DMGDH: variants seen among roughly 807,000 people sequenced by gnomAD.
The protein encoded by DMGDH is dimethylglycine dehydrogenase, mitochondrial.
A neutral mutation model predicts 95.2 loss-of-function variants in DMGDH; 76 were observed. The ratio of observed to expected loss-of-function variants is 0.80; its 90% CI spans 0.66 to 0.97. DMGDH has a LOEUF of 0.97. Among genes scored for constraint, DMGDH ranks in the 50% least tolerant of loss-of-function variants. The pLI is 0.00. For synonymous variants in DMGDH, 345 were observed against 377.6 expected, an observed-to-expected ratio of 0.91 and a Z score of 1.00; for missense variants, 987 against 1,055.0, an observed-to-expected ratio of 0.94 and a Z score of 0.89.
chr5:79,014,821 G>A (rs796409390), intron 14 of DMGDH, among the ~76,000 whole-genome samples: 16 of 152,236 alleles, frequency 1.1e-4, no homozygotes, highest in African/African-American at 3.9e-4. Context: ...GTAAATGTCA[G>A]AGTCACAATT....
chr5:79,008,197 TA>T (rs1753582875), intron 14 of DMGDH, among the ~76,000 whole-genome samples: 1 of 152,094 alleles, frequency 6.6e-6, no homozygotes, highest in African/African-American at 2.4e-5. Context: ...TTGATAGAGG[TA>T]TGGACAGTGG....
At position 79,033,321 on chromosome 5, in the gene DMGDH, C is replaced by T; in HGVS notation, c.1281G>A (p.Leu427=). The stretch of plus-strand genomic sequence containing the variant: ...TCCATTTGCCATAGCGATTAGGATC[C>T]AATTCTATCAGATCAAAAGGAGGTT... ...HGEPPFDLIE[L]DPNRYGKWTT... is the part of the protein sequence containing the mutation. The change falls in exon 8 of 16, where the codon TTG becomes TTA. Residue 427 remains leucine, a synonymous_variant. Transcript: ENST00000255189. The T allele has an allele frequency of 1.9e-6, 3 of 1,614,130 alleles. No individual in the cohort carries two copies. Among genetic ancestry groups the T allele is most frequent in the Non-Finnish European group, 2.5e-6 (3 of 1,180,020 alleles).
chr5:79,002,181 T>G (rs1193002675), intron 15 of DMGDH, among the ~76,000 whole-genome samples: 1 of 152,244 alleles, frequency 6.6e-6, no homozygotes, highest in Non-Finnish European at 1.5e-5. Flanking sequence ...TAATTTAAGT[T>G]TGATGTTCTA....
intron 3 of DMGDH, among the ~76,000 whole-genome samples, chr5:79,055,056 C>T (rs905857648): frequency 6.6e-6 from 1 of 152,030 alleles, no homozygotes; most frequent in African/African-American, 2.4e-5. Flanking sequence ...AGGTGGATGC[C>T]GAAGATGGGG....
intron 14 of DMGDH, among the ~76,000 whole-genome samples, chr5:79,017,836 A>AG (rs1753767951): frequency 6.6e-6 from 1 of 152,190 alleles, no homozygotes; most frequent in South Asian, 2.1e-4. Flanking sequence ...CTTTTTCTAT[A>AG]GGCAGTTTCC....
At chr5:79,042,594 C>T in intron 6 of DMGDH, 113 bp from the exon 7 acceptor site, 1 of 1,000,096 alleles carries the variant, frequency 1.0e-6, no homozygotes. Context: ...TAGGAAAGTA[C>T]TGCCATTTTT....
rs374906801 is a variant in DMGDH at position 78,998,103 on chromosome 5, T to C, written c.2580A>G (p.Lys860=). ...TTTTTCAAGTTTTGTCCTTTCCACC[T>C]TTTTTCTGAAGCCGGTTTCTGGTTG... ...TEPTRNRLQK[K]GGKDKT Residue 860 remains lysine (K), a synonymous_variant, in exon 16 of 16, where the codon AAA becomes AAG. Transcript: ENST00000255189. The C allele has an allele frequency of 5.6e-6, 9 of 1,614,088 alleles. No homozygotes were observed. In the African/African-American group the frequency reaches 1.1e-4, roughly 19 times the overall value.
At chr5:79,008,333 A>T (rs2112601919) in intron 14 of DMGDH, among the ~76,000 whole-genome samples, 1 of 152,260 alleles carries the variant, frequency 6.6e-6, no homozygotes, top group East Asian at 1.9e-4. Context: ...AGCCTTTCCC[A>T]AAAGTGTCTG....
At chr5:79,058,813 T>C (rs899315799) in intron 2 of DMGDH, among the ~76,000 whole-genome samples, 61 of 152,342 alleles carry the variant, frequency 4.0e-4, no homozygotes, top group African/African-American at 1.4e-3. Context: ...ATAGAAGGAA[T>C]GATGGAGTTA....
intron 15 of DMGDH, chr5:79,000,241 G>T (rs1248807411): frequency 6.3e-6 from 4 of 634,732 alleles, no homozygotes; most frequent in Non-Finnish European, 1.2e-5. Context: ...ATACCAGCGT[G>T]ATACCACCAC....
At position 79,021,270 on chromosome 5, in the gene DMGDH, G is replaced by A. The variant is rs186028302; in HGVS notation, c.2250+3001C>T. 176 of 1,050,022 alleles carry A rather than the reference G, an allele frequency of 1.7e-4. 1 individual carries two copies. The African/African-American group carries it at 2.7e-3, about 16-fold the overall frequency. The allele number at this position is 1,050,022 out of a possible 1,614,324, so 65.0% of individuals were successfully genotyped here. A position where few individuals can be genotyped will look rare whatever the true frequency, so the allele number is the denominator to read the frequency against. On this transcript the variant is annotated intron_variant, in intron 14 of 15. Transcript: ENST00000255189. ...TATCTTCACAATTACGGCTAAGAAC[G>A]TATCCCTACAGCTTTAGTTCCTGAA...
chr5:79,060,916 CA>C (rs59948927), intron 2 of DMGDH, among the ~76,000 whole-genome samples: 9,980 of 103,352 alleles, frequency 0.097, 624 homozygotes, highest in African/African-American at 0.22. Flanking sequence ...GACTCTGTCT[CA>C]AAAAAAAAAA....
intron 2 of DMGDH, among the ~76,000 whole-genome samples, chr5:79,060,570 T>C (rs1438403579): frequency 6.6e-6 from 1 of 152,170 alleles, no homozygotes; most frequent in Non-Finnish European, 1.5e-5. Context: ...TCTTGTTAGC[T>C]GGCTCTGCAA....
At chr5:79,047,572 G>C (rs1754716342) in intron 5 of DMGDH, among the ~76,000 whole-genome samples, 1 of 152,118 alleles carries the variant, frequency 6.6e-6, no homozygotes, top group African/African-American at 2.4e-5. Context: ...CGGAGAAAAA[G>C]CCTGCATCAT....
intron 14 of DMGDH, among the ~76,000 whole-genome samples, chr5:79,011,178 C>G (rs1753642586): frequency 6.6e-6 from 1 of 152,232 alleles, no homozygotes; most frequent in Admixed American, 6.5e-5. Context: ...CATCCCCAAC[C>G]CCCATAATAG....
At chr5:79,000,430 A>G in intron 15 of DMGDH, 1 of 623,132 alleles carries the variant, frequency 1.6e-6, no homozygotes, top group East Asian at 4.1e-5. Context: ...GTTGGAAAGA[A>G]CCATTTTCAC....
chr5:79,021,325 T>C, intron 14 of DMGDH: 1 of 1,098,948 alleles, frequency 9.1e-7, no homozygotes, highest in East Asian at 6.7e-5. Context: ...TCATGAGATC[T>C]GAGAGCCATC....
intron 15 of DMGDH, among the ~76,000 whole-genome samples, chr5:79,001,816 C>T (rs768481777): frequency 6.6e-6 from 1 of 152,220 alleles, no homozygotes; most frequent in East Asian, 1.9e-4. Flanking sequence ...TCTCTCTAAT[C>T]CAGGTTTAGA....
intron 5 of DMGDH, among the ~76,000 whole-genome samples, chr5:79,045,878 T>C (rs1754657133): frequency 6.6e-6 from 1 of 152,224 alleles, no homozygotes; most frequent in South Asian, 2.1e-4. Context: ...TCTGGGAACC[T>C]AGATTATGTA....
Sources: allele counts gnomAD v4.1 joint callset (sites outside exome capture counted in the v4.1 genomes callset), GRCh38; gene constraint gnomAD v4.1.1; transcripts MANE v1.5; gene names NCBI Gene and HGNC (gene_info 2026-07-23, HGNC 2026-07-21).